FAM161A: variants seen among roughly 807,000 people sequenced by gnomAD.
FAM161A encodes protein FAM161A.
Under a neutral mutation model 70.9 loss-of-function variants are expected in FAM161A, and 57 were observed. The observed-to-expected ratio is 0.80, with a 90% CI of 0.65 to 1.00. The LOEUF (loss-of-function observed/expected upper bound fraction) is 1.00. Ranked by LOEUF, FAM161A falls within the 50% of genes least tolerant of loss-of-function variation. The pLI, the probability that FAM161A is intolerant of heterozygous loss-of-function variation, is 0.00. For synonymous variants in FAM161A, 299 were observed against 295.7 expected, an observed-to-expected ratio of 1.01 and a Z score of -0.12; for missense variants, 880 against 836.0, an observed-to-expected ratio of 1.05 and a Z score of -0.65.
chr2:61,835,767 C>G (rs1672745888), intron 5 of FAM161A: 1 of 463,252 alleles, frequency 2.2e-6, no homozygotes, highest in Non-Finnish European at 3.9e-6. Context: ...TGGGCTCAAG[C>G]AATCTGCCCA....
chr2:61,811,050 C>T, the FAM161A span, among the ~76,000 whole-genome samples: 1 of 152,166 alleles, frequency 6.6e-6, no homozygotes, highest in Non-Finnish European at 1.5e-5. Flanking sequence ...TCCTTGGATG[C>T]ATTAATTTCT....
At chr2:61,827,575 A>G (rs1296226725) in intron 5 of FAM161A, among the ~76,000 whole-genome samples, 1 of 143,246 alleles carries the variant, frequency 7.0e-6, no homozygotes, top group Non-Finnish European at 1.5e-5. Flanking sequence ...GCGCCACTGT[A>G]CTCCAGCCTG....
chr2:61,835,980 C>T (rs200959427), intron 5 of FAM161A, 30 bp downstream of exon 5: 62 of 1,348,586 alleles, frequency 4.6e-5, no homozygotes, highest in South Asian at 1.6e-4. Flanking sequence ...AAAAAACTGA[C>T]GATAGCTCTT....
chr2:61,818,194 T>C, the FAM161A span, among the ~76,000 whole-genome samples: 1 of 152,010 alleles, frequency 6.6e-6, no homozygotes, highest in African/African-American at 2.4e-5. Flanking sequence ...TAGCTGGGAT[T>C]ACAGGTGCCC....
chr2:61,804,184 G>A, the FAM161A span, among the ~76,000 whole-genome samples: 1 of 152,194 alleles, frequency 6.6e-6, no homozygotes, highest in African/African-American at 2.4e-5. Flanking sequence ...TGGGAGTGTA[G>A]CAGTGAGGAC....
the FAM161A span, among the ~76,000 whole-genome samples, chr2:61,816,435 C>T: frequency 6.6e-6 from 1 of 152,008 alleles, no homozygotes; most frequent in South Asian, 2.1e-4. Flanking sequence ...TCTACCCTGC[C>T]CTACTGTAAA....
chr2:61,829,210 C>G (rs1002217923), intron 5 of FAM161A, among the ~76,000 whole-genome samples: 2 of 152,162 alleles, frequency 1.3e-5, no homozygotes, highest in African/African-American at 4.8e-5. Context: ...TTTCCTAGGT[C>G]TTTTATATTA....
intron 1 of FAM161A, among the ~76,000 whole-genome samples, chr2:61,853,612 G>A (rs1266675434): frequency 3.3e-5 from 5 of 152,212 alleles, no homozygotes; most frequent in Admixed American, 2.0e-4. Context: ...CAGAAGCAGA[G>A]TAACATAAAT....
chr2:61,826,781 T>C (rs1459408061), intron 6 of FAM161A, among the ~76,000 whole-genome samples, 182 bp from the exon 7 acceptor site: 1 of 152,218 alleles, frequency 6.6e-6, no homozygotes, highest in East Asian at 1.9e-4. Context: ...AGAAATTTAA[T>C]ATTCCTGAAA....
Position 61,840,586 on chromosome 2 carries a change from A to C in FAM161A, c.423-5T>G. The C allele has an allele frequency of 6.4e-7, 1 of 1,562,224 alleles. No homozygotes were observed. The highest frequency in any genetic ancestry group is 1.1e-5 in the South Asian group (1 of 90,028). On this transcript the variant is annotated splice_polypyrimidine_tract_variant and splice_region_variant and intron_variant, in intron 2 of 6. Coordinates refer to ENST00000404929, the MANE Select transcript of FAM161A (RefSeq NM_001201543.2). The stretch of plus-strand genomic sequence containing the variant: ...GAGTTCTTTTCTGATACAGATCTAA[A>C]TGAGAAGAATAACTATGTTATACTT...
At chr2:61,835,815 C>G (rs957845624) in intron 5 of FAM161A, 195 bp downstream of exon 5, 1 of 577,430 alleles carries the variant, frequency 1.7e-6, no homozygotes, top group Non-Finnish European at 3.1e-6. Flanking sequence ...CAGGTGCACA[C>G]CACCACACCT....
At chr2:61,817,035 C>T in the FAM161A span, among the ~76,000 whole-genome samples, 1 of 152,184 alleles carries the variant, frequency 6.6e-6, no homozygotes, top group South Asian at 2.1e-4. Flanking sequence ...AACATTTATA[C>T]TAACTTTATC....
chr2:61,805,390 C>A, the FAM161A span, among the ~76,000 whole-genome samples: 12 of 152,204 alleles, frequency 7.9e-5, no homozygotes, highest in East Asian at 2.1e-3. Flanking sequence ...GTGGCGGGAG[C>A]CTGTAATCCC....
At position 61,826,102 on chromosome 2, in the gene FAM161A, C is replaced by G. The variant is rs1672353068; in HGVS notation, c.*353G>C. 1 of 472,776 alleles carries G rather than the reference C, an allele frequency of 2.1e-6. No homozygotes were observed. The highest frequency in any genetic ancestry group is 2.0e-5 in the African/African-American group (1 of 50,728). 29.3% of individuals were successfully genotyped at this position (472,776 alleles called of 1,614,324 possible). On this transcript the variant is annotated 3_prime_UTR_variant, in exon 7 of 7. Coordinates refer to ENST00000404929, the MANE Select transcript of FAM161A (RefSeq NM_001201543.2). ...AAAAGTAAACCACCAAAGACCAATA[C>G]TTCTCTCTCCTTTCAATACTAAGCC... is the stretch of plus-strand genomic sequence containing the variant.
chr2:61,817,367 C>T, the FAM161A span, among the ~76,000 whole-genome samples: 1 of 152,218 alleles, frequency 6.6e-6, no homozygotes, highest in African/African-American at 2.4e-5. Flanking sequence ...GAATGCTTCT[C>T]TGTACCTGGT....
At chr2:61,840,657 C>CTT in intron 2 of FAM161A, 76 bp from the exon 3 acceptor site, 2 of 1,172,202 alleles carry the variant, frequency 1.7e-6, no homozygotes, top group East Asian at 2.5e-5. Context: ...TACATATTTT[C>CTT]TTTTTTTTTC....
At chr2:61,823,518 AC>A (rs2105054124), downstream of FAM161A, among the ~76,000 whole-genome samples, 1 of 149,726 alleles carries the variant, frequency 6.7e-6, no homozygotes, top group Admixed American at 6.7e-5. Flanking sequence ...GGTGCATGAC[AC>A]CCCGCCTGGC....
chr2:61,839,148 A>C (rs1436298909), intron 3 of FAM161A, among the ~76,000 whole-genome samples: 1 of 151,944 alleles, frequency 6.6e-6, no homozygotes, highest in Non-Finnish European at 1.5e-5. Context: ...CTCCCAAAGC[A>C]CTGGGATTAC....
intron 5 of FAM161A, among the ~76,000 whole-genome samples, chr2:61,828,182 T>C (rs1007843184): frequency 6.6e-6 from 1 of 152,016 alleles, no homozygotes; most frequent in South Asian, 2.1e-4. Flanking sequence ...CTGGCAATGG[T>C]CTATTTGTTA....
Sources: gnomAD v4.1 joint callset for allele counts (sites outside exome capture counted in the v4.1 genomes callset) on GRCh38, gnomAD v4.1.1 for gene constraint, MANE v1.5 for transcripts, NCBI Gene and HGNC (gene_info 2026-07-23, HGNC 2026-07-21) for gene names.